The following ZNF45 variants were observed in gnomAD, a reference collection of about 807,000 sequenced individuals.
ZNF45 encodes zinc finger protein 45.
Under a neutral mutation model 12.0 loss-of-function variants are expected in ZNF45, and 4 were observed. The ratio of observed to expected loss-of-function variants is 0.33; its 90% confidence interval spans 0.16 to 0.76. The LOEUF is 0.76. ZNF45 is among the 30% of genes least tolerant of loss of function. The pLI, the probability that ZNF45 is intolerant of heterozygous loss-of-function variation, is 0.60. For synonymous variants in ZNF45, 272 were observed against 279.6 expected (o/e 0.97, Z 0.27); for missense variants, 700 against 813.0 (o/e 0.86, Z 1.69).
chr19:43,913,168 A>T lies in ZNF45; in HGVS notation c.*219T>A, dbSNP rs569492439. 4.4e-6 allele frequency: 2 copies of T among 453,856 alleles called. No homozygotes were observed. Among genetic ancestry groups the T allele is most frequent in the South Asian group, 1.2e-4 (2 of 16,576 alleles). The allele number at this position is 453,856 out of a possible 1,614,324, so 28.1% of individuals were successfully genotyped here. ...TATCTTAGTACTTCTGATTTACTCCAGATCAGACTCATCCTTCCTGATCCT... is the reference window on the plus strand; with the variant it reads ...TATCTTAGTACTTCTGATTTACTCCTGATCAGACTCATCCTTCCTGATCCT... On this transcript the variant is annotated 3_prime_UTR_variant, in exon 10 of 10. Transcript: ENST00000269973.
chr19:43,927,242 C>T (rs952087929), intron 3 of ZNF45, among the ~76,000 whole-genome samples: 1 of 152,176 alleles, frequency 6.6e-6, no homozygotes, highest in African/African-American at 2.4e-5. Flanking sequence ...ATTCATTACA[C>T]TTGTCTAATG....
rs771648418 is a variant in ZNF45, at chr19:43,913,467, T to G, written c.1969A>C (p.Ile657Leu). ...KGFSWSSSLI[I>L]HQRVHADDEG... is the part of the protein sequence containing the mutation. Reference sequence around the variant, plus strand: ...TCATCAGCATGGACTCGCTGATGAATGATAAGACTTGAGCTCCAACTGAAG... The same window carrying G: ...TCATCAGCATGGACTCGCTGATGAAGGATAAGACTTGAGCTCCAACTGAAG... The change falls in exon 10 of 10, where the codon ATT becomes CTT. Residue 657 changes from isoleucine (I) to leucine (L), a missense_variant. Ile to Leu is a conservative substitution (Grantham distance 5). Transcript: ENST00000269973. 71 of 1,610,760 alleles carry G rather than the reference T, an allele frequency of 4.4e-5. No homozygotes were observed. The highest frequency in any genetic ancestry group is 5.6e-5 in the Non-Finnish European group (66 of 1,178,278).
chr19:43,913,331 T>C lies in ZNF45; in HGVS notation c.*56A>G. ...CTCTATAAAACAAATGTTTTGTCTA[T>C]GATAGCTCTGATTATTAAAATATTT... On this transcript the variant is annotated 3_prime_UTR_variant, in exon 10 of 10. Transcript: ENST00000269973. 4 of 1,515,164 alleles carry C rather than the reference T, an allele frequency of 2.6e-6. No homozygotes were observed. In the South Asian group the frequency reaches 5.4e-5, roughly 21 times the overall value. 93.9% of individuals were successfully genotyped at this position (1,515,164 alleles called of 1,614,324 possible). A position where few individuals can be genotyped will look rare whatever the true frequency, so the allele number is the denominator to read the frequency against.
Position 43,913,567 on chromosome 19 carries a change from C to G in ZNF45, c.1869G>C (p.Trp623Cys). 1 of 1,611,210 alleles carries G rather than the reference C, an allele frequency of 6.2e-7. No homozygotes were observed. Residue 623 changes from tryptophan (W) to cysteine (C), a missense_variant, in exon 10 of 10, where the codon TGG (tryptophan) becomes TGC (cysteine). Transcript: ENST00000269973. Reference sequence around the variant, plus strand: ...TTTGATGGGCTTGAAGGTATGAGCTCCAGCTGAAGACTTTCCCACATTCCT... The same window carrying G: ...TTTGATGGGCTTGAAGGTATGAGCTGCAGCTGAAGACTTTCCCACATTCCT... The part of the protein sequence containing the change: ...KCEECGKVFS[W>C]SSYLQAHQRV...
rs978608734 is a variant in ZNF45, at chr19:43,925,432, T to C, written c.-373A>G. The C allele has an allele frequency of 1.3e-5, 2 of 152,130 alleles. No individual in the cohort carries two copies. The highest frequency in any genetic ancestry group is 4.8e-5 in the African/African-American group (2 of 41,426). The allele number at this position is 152,130 out of a possible 1,614,324, so 9.4% of individuals were successfully genotyped here. A position where few individuals can be genotyped will look rare whatever the true frequency, so the allele number is the denominator to read the frequency against. On this transcript the variant is annotated 5_prime_UTR_variant, in exon 4 of 10. Coordinates refer to ENST00000269973, the MANE Select transcript of ZNF45 (RefSeq NM_003425.4). ...TCTGCACAGTGAAAAATGGAGTTCT[T>C]GTAGCTCTCAGGGTATGATTCTGAT...
chr19:43,921,893 A>T (rs188932181), intron 7 of ZNF45, among the ~76,000 whole-genome samples: 77 of 152,390 alleles, frequency 5.1e-4, no homozygotes, highest in Admixed American at 3.3e-3. Flanking sequence ...AACATGGAAA[A>T]TCAAAACAGT....
At chr19:43,920,605 T>TG (rs1973078802) in intron 7 of ZNF45, among the ~76,000 whole-genome samples, 1 of 145,054 alleles carries the variant, frequency 6.9e-6, no homozygotes, top group East Asian at 2.1e-4. Context: ...ATTGGTTTTT[T>TG]TTTTTTTTTT....
chr19:43,923,023 G>A (rs987843571), intron 6 of ZNF45, among the ~76,000 whole-genome samples: 1 of 151,642 alleles, frequency 6.6e-6, no homozygotes, highest in Non-Finnish European at 1.5e-5. Context: ...ACGAGGTCAT[G>A]CTATGTTGCC....
intron 6 of ZNF45, among the ~76,000 whole-genome samples, chr19:43,923,962 G>GAAAAAAAAAAAAATAAAAAAAAAA (rs1295623039): frequency 2.0e-5 from 1 of 49,388 alleles, no homozygotes. Context: ...TCTCTAAAGA[G>GAAAAAAAAAAAAATAAAAAAAAAA]AAAAAAAAAA....
intron 9 of ZNF45, among the ~76,000 whole-genome samples, chr19:43,915,674 C>T (rs1365401829): frequency 6.6e-6 from 1 of 152,038 alleles, no homozygotes; most frequent in Admixed American, 6.5e-5. Context: ...CGAATCCTAT[C>T]GTGAACTGCG....
chr19:43,915,506 G>A (rs438517), intron 9 of ZNF45, among the ~76,000 whole-genome samples: 65,503 of 152,140 alleles, frequency 0.43, 15,534 homozygotes, highest in East Asian at 0.57. Context: ...TATCACCTAA[G>A]TCAGGGCCCC....
chr19:43,925,890 C>T (rs1973636099), intron 3 of ZNF45, among the ~76,000 whole-genome samples: 1 of 151,788 alleles, frequency 6.6e-6, no homozygotes, highest in Non-Finnish European at 1.5e-5. Flanking sequence ...GCCTTGGCCT[C>T]CCAAAGTGCT....
At position 43,922,038 on chromosome 19, in the gene ZNF45, C is replaced by T. The variant is rs1973226469; in HGVS notation, c.15+133G>A. The T allele has an allele frequency of 9.3e-6, 7 of 755,652 alleles. No homozygotes were observed. The East Asian group carries it at 2.0e-4, about 22-fold the overall frequency. 46.8% of individuals were successfully genotyped at this position (755,652 alleles called of 1,614,324 possible). On this transcript the variant is annotated intron_variant, in intron 7 of 9. Coordinates refer to ENST00000269973, the MANE Select transcript of ZNF45 (RefSeq NM_003425.4). ...TAAACAACACAAAAGTAAAAAGCAG[C>T]AAGCATTTGGCACACAAGAGGTTCT...
chr19:43,919,015 T>G (rs2146869105), intron 8 of ZNF45, 53 bp from the exon 9 acceptor site: 3 of 1,454,972 alleles, frequency 2.1e-6, no homozygotes, highest in Non-Finnish European at 2.9e-6. Flanking sequence ...AAGCCAAAAT[T>G]ACTCAAAATT....
chr19:43,916,673 T>C (rs771478104), intron 9 of ZNF45, among the ~76,000 whole-genome samples: 6 of 152,196 alleles, frequency 3.9e-5, no homozygotes, highest in African/African-American at 2.4e-5. Flanking sequence ...AATAGATGTG[T>C]TGAATAAAAG....
rs529406678 is a variant in ZNF45 at position 43,930,796 on chromosome 19, A to C, written c.-400+1808T>G. ...TAAATTTTTCTCATAGCTACACTGA[A>C]AAAGGTAAGATGAAGCAAGTGAACT... is the stretch of plus-strand genomic sequence containing the variant. On this transcript the variant is annotated intron_variant, in intron 3 of 9. Coordinates refer to ENST00000269973, the MANE Select transcript of ZNF45 (RefSeq NM_003425.4). Among the ~76,000 whole-genome samples, 35 of 152,296 alleles carry C rather than the reference A, an allele frequency of 2.3e-4. 2 individuals carry two copies. In the South Asian group the frequency reaches 7.1e-3, roughly 31 times the overall value.
chr19:43,913,458 G>T lies in ZNF45; in HGVS notation c.1978C>A (p.Arg660=), dbSNP rs148424536. The change falls in exon 10 of 10, where the codon CGA becomes AGA. Residue 660 remains arginine, a synonymous_variant. Transcript: ENST00000269973. The part of the protein sequence containing the change: ...SWSSSLIIHQ[R]VHADDEGDKD... ...TCACCCTCATCATCAGCATGGACTC[G>T]CTGATGAATGATAAGACTTGAGCTC... is the stretch of plus-strand genomic sequence containing the variant. 3.1e-6 allele frequency: 5 copies of T among 1,607,286 alleles called. No homozygotes were observed. Among genetic ancestry groups the T allele is most frequent in the Non-Finnish European group, 4.3e-6 (5 of 1,176,358 alleles).
At position 43,914,554 on chromosome 19, in the gene ZNF45, A is replaced by G. The variant is rs1910472939; in HGVS notation, c.882T>C (p.His294=). 6.2e-7 allele frequency: 1 copy of G among 1,612,558 alleles called. No individual in the cohort carries two copies. The highest frequency in any genetic ancestry group is 1.7e-5 in the Admixed American group (1 of 59,952). ...GFSQRSYLQV[H]LKVHTGKKPY... ...GTTTCTTTCCAGTGTGAACTTTCAG[A>G]TGAACTTGAAGATATGATCTCTGAC... The change falls in exon 10 of 10, where the codon CAT becomes CAC. Residue 294 remains histidine, a synonymous_variant. Coordinates refer to ENST00000269973, the MANE Select transcript of ZNF45 (RefSeq NM_003425.4).
intron 7 of ZNF45, among the ~76,000 whole-genome samples, chr19:43,920,535 T>TGGGGGGGGGGGGGGGGGGG (rs386389071): frequency 4.5e-5 from 1 of 22,346 alleles, no homozygotes; most frequent in African/African-American, 8.7e-5. Flanking sequence ...TGTTGCCGGG[T>TGGGGGGGGGGGGGGGGGGG]GGGGGGGGGG....
Sources: allele counts gnomAD v4.1 joint callset (sites outside exome capture counted in the v4.1 genomes callset), GRCh38; gene constraint gnomAD v4.1.1; transcripts MANE v1.5; gene names NCBI Gene and HGNC (gene_info 2026-07-23, HGNC 2026-07-21).